The following SDK1 variants were observed in gnomAD, a reference collection of about 807,000 sequenced individuals.
SDK1 encodes sidekick cell adhesion molecule 1.
In SDK1, 157 loss-of-function variants were observed where a neutral mutation model predicts 245.5. The observed-to-expected ratio is 0.64, with a 90% CI of 0.56 to 0.73. The LOEUF is 0.73. Among genes scored for constraint, SDK1 ranks in the 30% least tolerant of loss-of-function variants. The pLI is 0.00. For missense variants in SDK1, 3,583 were observed against 3,002.3 expected, an observed-to-expected ratio of 1.19 and a Z score of -4.52; for synonymous variants, 1,647 against 1,278.5, an observed-to-expected ratio of 1.29 and a Z score of -6.15.
chr7:3,784,245 T>C (rs1329960221), intron 4 of SDK1, among the ~76,000 whole-genome samples: 1 of 151,916 alleles, frequency 6.6e-6, no homozygotes. Flanking sequence ...ACAAAGATAT[T>C]ATGCCAAGAA....
At chr7:3,357,056 A>G (rs1404918084) in intron 1 of SDK1, among the ~76,000 whole-genome samples, 15 of 30,760 alleles carry the variant, frequency 4.9e-4, no homozygotes, top group African/African-American at 1.4e-3. Context: ...CTCTCTCGAA[A>G]AAAAAAAAAA....
At chr7:3,932,923 ATTAT>A (rs1315659109) in intron 5 of SDK1, among the ~76,000 whole-genome samples, 3 of 152,006 alleles carry the variant, frequency 2.0e-5, no homozygotes, top group Admixed American at 6.5e-5. Context: ...GCTGAGCCTG[ATTAT>A]TTACGCTTCT....
intron 1 of SDK1, among the ~76,000 whole-genome samples, chr7:3,396,157 A>G (rs988779263): frequency 2.6e-5 from 4 of 151,740 alleles, no homozygotes; most frequent in South Asian, 2.1e-4. Context: ...TTGTATTTCT[A>G]TTATTCAGAT....
intron 1 of SDK1, among the ~76,000 whole-genome samples, chr7:3,412,934 G>T (rs1257808347): frequency 6.6e-6 from 1 of 152,168 alleles, no homozygotes; most frequent in Non-Finnish European, 1.5e-5. Flanking sequence ...TTTGGTTCTA[G>T]GGAATCAGCA....
At chr7:3,861,444 G>T (rs1562497204) in intron 5 of SDK1, among the ~76,000 whole-genome samples, 2 of 152,080 alleles carry the variant, frequency 1.3e-5, no homozygotes, top group African/African-American at 4.8e-5. Flanking sequence ...AGGCATTTTT[G>T]GGCTTGGGGA....
At chr7:4,053,680 C>T (rs1342719749) in intron 19 of SDK1, among the ~76,000 whole-genome samples, 2 of 152,064 alleles carry the variant, frequency 1.3e-5, no homozygotes, top group Admixed American at 6.6e-5. Flanking sequence ...GGAACAATCT[C>T]GCCATTGACT....
intron 1 of SDK1, among the ~76,000 whole-genome samples, chr7:3,615,793 C>G (rs377593205): frequency 9.0e-4 from 134 of 148,966 alleles, no homozygotes; most frequent in African/African-American, 3.2e-3. Flanking sequence ...CACTATTCCA[C>G]GCCCTCTTTT....
At chr7:4,167,477 G>A (rs1246794572) in intron 32 of SDK1, among the ~76,000 whole-genome samples, 4 of 152,212 alleles carry the variant, frequency 2.6e-5, no homozygotes, top group South Asian at 2.1e-4. Flanking sequence ...GGCTGCTGGC[G>A]AATTTCTGAG....
At chr7:3,704,141 A>T (rs1198731700) in intron 4 of SDK1, among the ~76,000 whole-genome samples, 2 of 152,068 alleles carry the variant, frequency 1.3e-5, no homozygotes, top group African/African-American at 2.4e-5. Context: ...AACATATGGT[A>T]TTTAGTTTTC....
At chr7:4,202,766 T>C (rs540796808) in intron 35 of SDK1, among the ~76,000 whole-genome samples, 6 of 152,264 alleles carry the variant, frequency 3.9e-5, no homozygotes, top group African/African-American at 1.2e-4. Context: ...TTGTTTTGTT[T>C]TTTTCTCCTG....
chr7:3,588,144 C>A (rs1280378775), intron 1 of SDK1, among the ~76,000 whole-genome samples: 9 of 152,150 alleles, frequency 5.9e-5, no homozygotes, highest in African/African-American at 2.2e-4. Context: ...AGCTGAGTTA[C>A]AGAGAAATTA....
At position 3,924,828 on chromosome 7, in the gene SDK1, C is replaced by CTG. The variant is rs147691247; in HGVS notation, c.848-26084_848-26083dup. On this transcript the variant is annotated intron_variant, in intron 5 of 44. Coordinates refer to ENST00000404826, the MANE Select transcript of SDK1 (RefSeq NM_152744.4). ...CTTGAAGTGTTTGTTTTCCTTGTTC[C>CTG]TGTGTGTGTGTGACAGAGGTGAGGG... Among the ~76,000 whole-genome samples the CTG allele has an allele frequency of 1.8e-4, 27 of 152,032 alleles. No individual in the cohort carries two copies. In the East Asian group the frequency reaches 4.8e-3, roughly 27 times the overall value.
intron 2 of SDK1, among the ~76,000 whole-genome samples, chr7:3,619,606 A>C (rs1215075837): frequency 3.9e-5 from 6 of 152,214 alleles, no homozygotes; most frequent in Admixed American, 3.9e-4. Flanking sequence ...GTTTAAACAG[A>C]TCTTTAGTAT....
intron 5 of SDK1, among the ~76,000 whole-genome samples, chr7:3,853,700 T>C (rs1421597360): frequency 1.3e-5 from 2 of 152,018 alleles, no homozygotes; most frequent in East Asian, 3.9e-4. Flanking sequence ...TCAAAAAGCT[T>C]TGGATTTTGG....
At chr7:4,122,802 A>G (rs1219532449) in intron 25 of SDK1, among the ~76,000 whole-genome samples, 1 of 152,230 alleles carries the variant, frequency 6.6e-6, no homozygotes, top group Non-Finnish European at 1.5e-5. Context: ...CAGGTTGGAA[A>G]GGGAGTTGAA....
chr7:3,617,808 A>C (rs948977310), intron 1 of SDK1, among the ~76,000 whole-genome samples: 1 of 152,154 alleles, frequency 6.6e-6, no homozygotes, highest in Non-Finnish European at 1.5e-5. Context: ...CATATCCTCA[A>C]GGTCCTGCCT....
intron 1 of SDK1, among the ~76,000 whole-genome samples, chr7:3,316,494 C>G (rs1779665483): frequency 6.6e-6 from 1 of 152,162 alleles, no homozygotes; most frequent in South Asian, 2.1e-4. Flanking sequence ...TAGTGCATTT[C>G]TTAGAGCTTA....
intron 5 of SDK1, among the ~76,000 whole-genome samples, chr7:3,932,511 C>T (rs1780012273): frequency 6.6e-6 from 1 of 152,136 alleles, no homozygotes; most frequent in African/African-American, 2.4e-5. Context: ...TATTCTTGCA[C>T]CGTGGGACTG....
intron 5 of SDK1, among the ~76,000 whole-genome samples, chr7:3,922,924 C>G (rs965010089): frequency 6.6e-5 from 10 of 152,310 alleles, no homozygotes; most frequent in Middle Eastern, 3.4e-3. Flanking sequence ...TTCCATTTTG[C>G]TTATCTTTTC....
Sources: allele counts gnomAD v4.1 joint callset (sites outside exome capture counted in the v4.1 genomes callset), GRCh38; gene constraint gnomAD v4.1.1; transcripts MANE v1.5; gene names NCBI Gene and HGNC (gene_info 2026-07-23, HGNC 2026-07-21).